DOCK8: variants seen among roughly 807,000 people sequenced by gnomAD.
The protein encoded by DOCK8 is dedicator of cytokinesis 8.
In DOCK8, 141 loss-of-function variants were observed where a neutral mutation model predicts 245.6. The ratio of observed to expected loss-of-function variants is 0.57; its 90% CI spans 0.50 to 0.66. DOCK8 has a LOEUF of 0.66. DOCK8 is among the 30% of genes least tolerant of loss of function. The probability of loss-of-function intolerance (pLI) is 0.00; values close to 1 mark genes in which losing one functional copy is unlikely to be tolerated. For synonymous variants in DOCK8, 1,168 were observed against 970.2 expected (o/e 1.20, Z -3.79); for missense variants, 2,965 against 2,603.4 (o/e 1.14, Z -3.02).
chr9:393,482 CA>C, intron 24 of DOCK8, among the ~76,000 whole-genome samples: 2 of 152,296 alleles, frequency 1.3e-5, no homozygotes, highest in Middle Eastern at 3.4e-3. Flanking sequence ...CCCAAATTTA[CA>C]GATGGGGTTG....
intron 15 of DOCK8, chr9:370,008 G>A (rs1460199204): frequency 3.4e-6 from 2 of 585,852 alleles, no homozygotes; most frequent in Admixed American, 5.6e-5. Flanking sequence ...TCGCCATGTT[G>A]CCCAGGCTGG....
intron 43 of DOCK8, among the ~76,000 whole-genome samples, chr9:445,960 C>T (rs532671060): frequency 1.4e-4 from 22 of 152,210 alleles, no homozygotes; most frequent in Non-Finnish European, 2.4e-4. Context: ...TCCATCCTTG[C>T]CAGCACTTGA....
At chr9:340,622 A>G in intron 14 of DOCK8, 1 of 218,738 alleles carries the variant, frequency 4.6e-6, no homozygotes, top group East Asian at 1.0e-4. Flanking sequence ...CTCTGTCTCA[A>G]AAAAAAAAGA....
In DOCK8 at chr9:457,212, G is replaced by A. The variant is rs552595128; in HGVS notation, c.6068+5095G>A. Among the ~76,000 whole-genome samples the A allele has an allele frequency of 1.4e-4, 21 of 152,106 alleles. No homozygotes were observed. In the South Asian group the frequency reaches 2.3e-3, roughly 17 times the overall value. ...GGCTTTCCTAGGCAGTATATGTGGCGTTGGGGTTGGGAATATGGGCACTCA... is the reference window on the plus strand; with the variant it reads ...GGCTTTCCTAGGCAGTATATGTGGCATTGGGGTTGGGAATATGGGCACTCA... On this transcript the variant is annotated intron_variant, in intron 46 of 47. Coordinates refer to ENST00000432829, the MANE Select transcript of DOCK8 (RefSeq NM_203447.4).
chr9:403,888 CTCTCTATATA>C lies in DOCK8; in HGVS notation c.3235-1028_3235-1019del, dbSNP rs1188273076. Among the ~76,000 whole-genome samples, 5 of 85,076 alleles carry C rather than the reference CTCTCTATATA, an allele frequency of 5.9e-5. No homozygotes were observed. In the East Asian group the frequency reaches 1.1e-3, roughly 19 times the overall value. The allele number at this position is 85,076 out of a possible 152,430, so 55.8% of individuals were successfully genotyped here. ...TCTCTCTCTCTCTCTCTCTCTCTCT[CTCTCTATATA>C]TATATATATATATATATACATATAT... On this transcript the variant is annotated intron_variant, in intron 26 of 47. Transcript: ENST00000432829.
intron 7 of DOCK8, among the ~76,000 whole-genome samples, chr9:318,355 G>A (rs1360599026): frequency 2.6e-5 from 4 of 152,210 alleles, no homozygotes; most frequent in African/African-American, 9.7e-5. Context: ...CAGTGAGAAG[G>A]CATCTGGATT....
intron 11 of DOCK8, among the ~76,000 whole-genome samples, chr9:335,808 T>G (rs902148353): frequency 2.0e-5 from 3 of 151,974 alleles, no homozygotes; most frequent in Non-Finnish European, 2.9e-5. Flanking sequence ...CAAGTTTAGG[T>G]GGGTAGAGGT....
intron 5 of DOCK8, 93 bp from the exon 6 acceptor site, chr9:311,861 C>T: frequency 6.7e-6 from 10 of 1,503,516 alleles, no homozygotes; most frequent in Non-Finnish European, 8.2e-6. Context: ...TCTGTAGTCC[C>T]AAATTGGAGC....
At chr9:323,042 G>A (rs1385794216) in intron 7 of DOCK8, among the ~76,000 whole-genome samples, 3 of 148,502 alleles carry the variant, frequency 2.0e-5, no homozygotes, top group Non-Finnish European at 3.0e-5. Flanking sequence ...GCAGTGAGCC[G>A]AGGTTGCACC....
rs191656143 is a variant in DOCK8 at position 274,609 on chromosome 9, A to G, written c.156+2880A>G. 3.3e-5 allele frequency among the ~76,000 whole-genome samples: 5 copies of G among 152,012 alleles called. 1 individual carries two copies. The East Asian group carries it at 9.7e-4, about 29-fold the overall frequency. On this transcript the variant is annotated intron_variant, in intron 2 of 47. Transcript: ENST00000432829. The stretch of plus-strand genomic sequence containing the variant: ...TCTTCCCCTTGAGTCATCGTCCCGA[A>G]TGAAGGTTCCCCAAAAGAAATCATC...
intron 10 of DOCK8, among the ~76,000 whole-genome samples, chr9:333,354 C>A (rs1450009668): frequency 1.3e-5 from 2 of 152,240 alleles, no homozygotes; most frequent in Admixed American, 1.3e-4. Context: ...GTAATCCCAG[C>A]ACTTTGGGAG....
chr9:435,509 T>C (rs900544290), intron 39 of DOCK8, among the ~76,000 whole-genome samples: 4 of 152,242 alleles, frequency 2.6e-5, no homozygotes, highest in African/African-American at 9.6e-5. Context: ...GTTGACACAG[T>C]ATACTGACAT....
rs35853132 is a variant in DOCK8, at chr9:425,538, CAA to C, written c.4242-1328_4242-1327del. Reference sequence around the variant, plus strand: ...TGGGCGACAGAGGGAGACTCCGTCTCAAAAAAAAAAAAAAAAAAAAGGATGAT... The same window carrying C: ...TGGGCGACAGAGGGAGACTCCGTCTCAAAAAAAAAAAAAAAAAAGGATGAT... On this transcript the variant is annotated intron_variant, in intron 33 of 47. Coordinates refer to ENST00000432829, the MANE Select transcript of DOCK8 (RefSeq NM_203447.4). 2.7e-3 allele frequency among the ~76,000 whole-genome samples: 149 copies of C among 54,358 alleles called. 2 individuals carry two copies. The East Asian group carries it at 0.052, about 19-fold the overall frequency. 35.7% of individuals were successfully genotyped at this position (54,358 alleles called of 152,430 possible).
At chr9:401,214 T>G (rs1419522070) in intron 26 of DOCK8, among the ~76,000 whole-genome samples, 2 of 152,104 alleles carry the variant, frequency 1.3e-5, no homozygotes, top group Non-Finnish European at 2.9e-5. Context: ...AAGGGGGGGT[T>G]GAGAGATTTG....
At chr9:403,996 A>ATATATATATGTATATATATATATG (rs2055299744) in intron 26 of DOCK8, among the ~76,000 whole-genome samples, 4 of 121,956 alleles carry the variant, frequency 3.3e-5, no homozygotes, top group African/African-American at 1.5e-4. Flanking sequence ...ATATATGTGT[A>ATATATATATGTATATATATATATG]TATATATATA....
intron 3 of DOCK8, among the ~76,000 whole-genome samples, chr9:287,623 C>T (rs959269363): frequency 6.6e-6 from 1 of 152,166 alleles, no homozygotes; most frequent in Non-Finnish European, 1.5e-5. Flanking sequence ...CTTGTTCAGA[C>T]AGTCCTCACT....
At chr9:451,540 T>C (rs144331519) in intron 45 of DOCK8, among the ~76,000 whole-genome samples, 1 of 152,016 alleles carries the variant, frequency 6.6e-6, no homozygotes, top group East Asian at 1.9e-4. Flanking sequence ...GGAGGATCAC[T>C]TGAGCCTGGG....
intron 1 of DOCK8, among the ~76,000 whole-genome samples, chr9:266,273 A>G (rs561397516): frequency 6.6e-6 from 1 of 152,290 alleles, no homozygotes; most frequent in South Asian, 2.1e-4. Context: ...TAAGTATTAA[A>G]TTATTCATCT....
chr9:385,875 T>A (rs533005928), intron 22 of DOCK8, among the ~76,000 whole-genome samples: 18 of 152,334 alleles, frequency 1.2e-4, no homozygotes, highest in Non-Finnish European at 2.5e-4. Context: ...ATTTTCGAAT[T>A]ATTTTGTTGC....
Sources: gnomAD v4.1 joint callset for allele counts (sites outside exome capture counted in the v4.1 genomes callset) on GRCh38, gnomAD v4.1.1 for gene constraint, MANE v1.5 for transcripts, NCBI Gene and HGNC (gene_info 2026-07-23, HGNC 2026-07-21) for gene names.